Variants in ELOVL6 observed in about 807,000 individuals in gnomAD.
ELOVL6 encodes ELOVL fatty acid elongase 6, also known as very long chain fatty acid elongase 6.
Under a neutral mutation model 31.7 loss-of-function variants are expected in ELOVL6, and 8 were observed. The ratio of observed to expected loss-of-function variants is 0.25; its 90% CI spans 0.15 to 0.45. The LOEUF (loss-of-function observed/expected upper bound fraction) is 0.45. ELOVL6 is among the 20% of genes least tolerant of loss of function. The pLI is 1.00. For synonymous variants in ELOVL6, 101 were observed against 117.7 expected (o/e 0.86, Z 0.92); for missense variants, 126 against 326.4 (o/e 0.39, Z 4.73).
chr4:110,121,475 G>A (rs956988618), intron 1 of ELOVL6, among the ~76,000 whole-genome samples: 1 of 152,124 alleles, frequency 6.6e-6, no homozygotes, highest in Non-Finnish European at 1.5e-5. Flanking sequence ...AATCCCAGTT[G>A]GTTCTTAACA....
intron 2 of ELOVL6, among the ~76,000 whole-genome samples, chr4:110,104,727 C>A (rs2126246118): frequency 6.6e-6 from 1 of 152,286 alleles, no homozygotes; most frequent in East Asian, 1.9e-4. Context: ...AGAACAGGTG[C>A]CTTTGTTAGC....
chr4:110,067,339 T>A (rs972628220), intron 2 of ELOVL6, among the ~76,000 whole-genome samples: 1 of 152,216 alleles, frequency 6.6e-6, no homozygotes, highest in African/African-American at 2.4e-5. Flanking sequence ...AAATTACATA[T>A]CACATTATCA....
Position 110,176,648 on chromosome 4 carries a change from G to A in ELOVL6, c.89+21599C>T, listed in dbSNP as rs761145925. ...CTTTGCCAACAGATAAACTTTACCC[G>A]ATATTGTGTGGAGGGCAATGTGCCT... On this transcript the variant is annotated intron_variant, in intron 1 of 3. Transcript: ENST00000302274. 1.2e-4 allele frequency among the ~76,000 whole-genome samples: 19 copies of A among 152,190 alleles called. 1 individual carries two copies. The highest frequency in any genetic ancestry group is 1.2e-4 in the African/African-American group (5 of 41,456).
chr4:110,110,958 A>C lies in ELOVL6; in HGVS notation c.90-5330T>G, dbSNP rs557087797. On this transcript the variant is annotated intron_variant, in intron 1 of 3. Coordinates refer to ENST00000302274, the MANE Select transcript of ELOVL6 (RefSeq NM_024090.3). The stretch of plus-strand genomic sequence containing the variant: ...TTTTTGCTTCCCCCTCCAGATACTA[A>C]TTTAGAGATCACAGGTTCTCCTCAT... Among the ~76,000 whole-genome samples the C allele has an allele frequency of 7.2e-5, 11 of 152,214 alleles. No individual in the cohort carries two copies. In the East Asian group the frequency reaches 1.9e-3, roughly 27 times the overall value.
chr4:110,176,165 T>TATTC (rs1169869800), intron 1 of ELOVL6, among the ~76,000 whole-genome samples: 1 of 151,778 alleles, frequency 6.6e-6, no homozygotes, highest in Non-Finnish European at 1.5e-5. Context: ...TTTATTTATT[T>TATTC]ATTTATTTAT....
chr4:110,143,065 A>G (rs1660986876), intron 1 of ELOVL6, among the ~76,000 whole-genome samples: 1 of 152,228 alleles, frequency 6.6e-6, no homozygotes, highest in African/African-American at 2.4e-5. Flanking sequence ...GGGCTGGAAC[A>G]TAATACATGT....
At chr4:110,125,432 C>T (rs1216809763) in intron 1 of ELOVL6, among the ~76,000 whole-genome samples, 1 of 151,990 alleles carries the variant, frequency 6.6e-6, no homozygotes, top group Non-Finnish European at 1.5e-5. Flanking sequence ...GAATGAAAGA[C>T]CAAGACCATG....
Position 110,158,657 on chromosome 4 carries a change from A to ATATTTTTTTTTT in ELOVL6, c.89+39589_89+39590insAAAAAAAAAATA. Among the ~76,000 whole-genome samples the ATATTTTTTTTTT allele has an allele frequency of 4.6e-3, 342 of 74,130 alleles. 12 individuals are homozygous for ATATTTTTTTTTT. The highest frequency in any genetic ancestry group is 5.9e-3 in the Non-Finnish European group (256 of 43,312). 48.6% of individuals were successfully genotyped at this position (74,130 alleles called of 152,430 possible). On this transcript the variant is annotated intron_variant, in intron 1 of 3. Coordinates refer to ENST00000302274, the MANE Select transcript of ELOVL6 (RefSeq NM_024090.3). ...CGTGTATATATATATATATATATAT[A>ATATTTTTTTTTT]TTTTTTTTTTTTTTTTTTTTGAGAC...
intron 1 of ELOVL6, among the ~76,000 whole-genome samples, chr4:110,176,572 T>C (rs1460560241): frequency 2.6e-5 from 4 of 152,214 alleles, no homozygotes; most frequent in South Asian, 4.1e-4. Flanking sequence ...AGAGTATACA[T>C]TTTTGTGCTA....
intron 1 of ELOVL6, among the ~76,000 whole-genome samples, chr4:110,159,874 TTATGAG>T (rs1758579882): frequency 6.6e-6 from 1 of 152,192 alleles, no homozygotes; most frequent in Non-Finnish European, 1.5e-5. Flanking sequence ...ATTTTTTCCG[TTATGAG>T]TATATTTAGG....
At chr4:110,158,655 A>ATT (rs1365076499) in intron 1 of ELOVL6, among the ~76,000 whole-genome samples, 19 of 76,200 alleles carry the variant, frequency 2.5e-4, no homozygotes, top group African/African-American at 1.1e-3. Flanking sequence ...ATATATATAT[A>ATT]TATTTTTTTT....
chr4:110,094,425 AT>A (rs1560820589), intron 2 of ELOVL6, among the ~76,000 whole-genome samples: 910 of 65,544 alleles, frequency 0.014, 44 homozygotes, highest in Middle Eastern at 0.071. Context: ...ATATATATAT[AT>A]ATATATATAT....
intron 1 of ELOVL6, 200 bp downstream of exon 1, chr4:110,198,047 G>T: frequency 6.4e-6 from 4 of 623,522 alleles, no homozygotes; most frequent in Non-Finnish European, 1.1e-5. Context: ...TTCACACAGG[G>T]GCACCCACAG....
intron 2 of ELOVL6, among the ~76,000 whole-genome samples, chr4:110,101,134 G>T (rs1756728781): frequency 6.6e-6 from 1 of 152,112 alleles, no homozygotes; most frequent in Admixed American, 6.6e-5. Context: ...CCACCTCCAG[G>T]GTTCAAACGA....
chr4:110,164,264 G>A (rs879693108), intron 1 of ELOVL6, among the ~76,000 whole-genome samples: 13 of 152,272 alleles, frequency 8.5e-5, no homozygotes, highest in African/African-American at 2.9e-4. Context: ...TTGAAACTGT[G>A]TCTGAATCCA....
intron 1 of ELOVL6, among the ~76,000 whole-genome samples, chr4:110,196,782 G>A (rs1462565910): frequency 6.6e-6 from 1 of 152,070 alleles, no homozygotes; most frequent in Non-Finnish European, 1.5e-5. Flanking sequence ...CCCCGCCGGT[G>A]CGCGCGGCCC....
chr4:110,084,556 A>ATATATATTTT lies in ELOVL6; in HGVS notation c.221+20940_221+20941insAAAATATATA, dbSNP rs1208053354. Among the ~76,000 whole-genome samples, 3 of 67,526 alleles carry ATATATATTTT rather than the reference A, an allele frequency of 4.4e-5. 1 individual carries two copies. The highest frequency in any genetic ancestry group is 3.0e-4 in the African/African-American group (3 of 9,884). The allele number at this position is 67,526 out of a possible 152,430, so 44.3% of individuals were successfully genotyped here. On this transcript the variant is annotated intron_variant, in intron 2 of 3. Transcript: ENST00000302274. ...TACACACACACACACACACACACAC[A>ATATATATTTT]CACACAGATATATATATATATATAT...
intron 1 of ELOVL6, chr4:110,197,878 C>G: frequency 3.5e-6 from 1 of 284,262 alleles, no homozygotes; most frequent in Non-Finnish European, 6.7e-6. Flanking sequence ...GCGAGAAAAC[C>G]CAAATCTAGA....
intron 1 of ELOVL6, among the ~76,000 whole-genome samples, chr4:110,184,040 T>C (rs1262687578): frequency 1.3e-5 from 2 of 152,182 alleles, no homozygotes; most frequent in Admixed American, 6.5e-5. Flanking sequence ...CTGATTGGAA[T>C]AGATAGTTTG....
Sources: allele counts gnomAD v4.1 joint callset (sites outside exome capture counted in the v4.1 genomes callset), GRCh38; gene constraint gnomAD v4.1.1; transcripts MANE v1.5; gene names NCBI Gene and HGNC (gene_info 2026-07-23, HGNC 2026-07-21).